PTPRD: variants seen among roughly 807,000 people sequenced by gnomAD.
The protein encoded by PTPRD is protein tyrosine phosphatase receptor type D.
Under a neutral mutation model 214.5 loss-of-function variants are expected in PTPRD, and 34 were observed. The ratio of observed to expected loss-of-function variants is 0.16; its 90% CI spans 0.12 to 0.21. PTPRD has a LOEUF of 0.21. Among genes scored for constraint, PTPRD ranks in the 10% least tolerant of loss-of-function variants. PTPRD has a pLI of 1.00. For synonymous variants in PTPRD, 1,128 were observed against 845.7 expected (o/e 1.33, Z -5.79); for missense variants, 2,545 against 2,398.7 (o/e 1.06, Z -1.27).
chr9:8,671,812 G>A (rs868558799), intron 12 of PTPRD, among the ~76,000 whole-genome samples: 52 of 152,228 alleles, frequency 3.4e-4, no homozygotes, highest in African/African-American at 1.2e-3. Flanking sequence ...CCATATGAAA[G>A]AACTGTATCT....
intron 4 of PTPRD, among the ~76,000 whole-genome samples, chr9:9,968,975 G>A (rs975109125): frequency 1.1e-4 from 16 of 152,256 alleles, no homozygotes; most frequent in African/African-American, 3.1e-4. Flanking sequence ...TTCATGAGAT[G>A]TGATCTTGGC....
intron 7 of PTPRD, among the ~76,000 whole-genome samples, chr9:9,659,981 G>A (rs902131717): frequency 6.6e-6 from 1 of 151,982 alleles, no homozygotes; most frequent in Non-Finnish European, 1.5e-5. Context: ...GGCTGTAAAT[G>A]AATTTCCCTT....
intron 2 of PTPRD, among the ~76,000 whole-genome samples, chr9:10,500,156 T>C (rs1275785824): frequency 6.6e-6 from 1 of 151,926 alleles, no homozygotes; most frequent in Non-Finnish European, 1.5e-5. Context: ...GTACTTCTAG[T>C]TACAACTTTC....
intron 5 of PTPRD, among the ~76,000 whole-genome samples, chr9:9,915,533 T>C (rs2080481237): frequency 6.6e-6 from 1 of 151,458 alleles, no homozygotes; most frequent in African/African-American, 2.4e-5. Flanking sequence ...AAGAGATAGA[T>C]ATCATTAAAA....
intron 9 of PTPRD, among the ~76,000 whole-genome samples, chr9:9,299,359 C>T (rs1381910496): frequency 6.6e-6 from 1 of 151,702 alleles, no homozygotes; most frequent in Non-Finnish European, 1.5e-5. Context: ...TCAAGGGCTG[C>T]TACTGGCATC....
intron 10 of PTPRD, among the ~76,000 whole-genome samples, chr9:9,177,350 C>CAATT (rs2099925531): frequency 6.6e-6 from 1 of 152,052 alleles, no homozygotes; most frequent in African/African-American, 2.4e-5. Context: ...ATGGGGATTG[C>CAATT]AATTCCAGAT....
chr9:8,362,309 C>G (rs1173254834), intron 39 of PTPRD, among the ~76,000 whole-genome samples: 2 of 152,114 alleles, frequency 1.3e-5, no homozygotes, highest in African/African-American at 4.8e-5. Context: ...ACCCTACAAA[C>G]CAATAAGTTT....
At chr9:9,036,523 G>C (rs1003791289) in intron 10 of PTPRD, among the ~76,000 whole-genome samples, 3 of 152,058 alleles carry the variant, frequency 2.0e-5, no homozygotes, top group Non-Finnish European at 2.9e-5. Context: ...ATAGAATATG[G>C]ACTTTAGTTA....
chr9:9,334,753 T>C (rs1290408687), intron 9 of PTPRD, among the ~76,000 whole-genome samples: 2 of 151,956 alleles, frequency 1.3e-5, no homozygotes, highest in African/African-American at 2.4e-5. Flanking sequence ...ATTATTATCA[T>C]GATCATCATC....
intron 9 of PTPRD, among the ~76,000 whole-genome samples, chr9:9,368,170 C>T (rs762994910): frequency 2.6e-5 from 4 of 151,726 alleles, no homozygotes; most frequent in Non-Finnish European, 4.4e-5. Context: ...AAACGTTAGA[C>T]CTGCATTTAT....
At chr9:9,818,953 C>T (rs2049758189) in intron 5 of PTPRD, among the ~76,000 whole-genome samples, 1 of 147,170 alleles carries the variant, frequency 6.8e-6, no homozygotes. Context: ...GTATGTATGT[C>T]TTTCAATTAT....
intron 8 of PTPRD, among the ~76,000 whole-genome samples, chr9:9,525,012 C>T (rs1240554528): frequency 2.6e-5 from 4 of 152,174 alleles, no homozygotes; most frequent in African/African-American, 7.2e-5. Context: ...CGCCCGCCAC[C>T]ACGCCCGGCT....
Position 8,591,014 on chromosome 9 carries a change from C to G in PTPRD, c.352+42303G>C, listed in dbSNP as rs112966499. Among the ~76,000 whole-genome samples the G allele has an allele frequency of 9.4e-3, 1,438 of 152,192 alleles. 19 individuals carry two copies. The highest frequency in any genetic ancestry group is 0.032 in the African/African-American group (1,336 of 41,526). On this transcript the variant is annotated intron_variant, in intron 14 of 45. Coordinates refer to ENST00000381196, the MANE Select transcript of PTPRD (RefSeq NM_002839.4). ...CATTTTCCAGTTTCTAGAGGCTGCC[C>G]ACATTCCTTGGCTTGTGATCCTTTT...
intron 8 of PTPRD, among the ~76,000 whole-genome samples, chr9:9,572,370 A>G (rs1345398722): frequency 6.6e-6 from 1 of 151,346 alleles, no homozygotes; most frequent in Non-Finnish European, 1.5e-5. Flanking sequence ...CGAAGAATAT[A>G]TTTGAATCAG....
At chr9:10,482,227 C>T (rs545071428) in intron 2 of PTPRD, among the ~76,000 whole-genome samples, 25 of 151,756 alleles carry the variant, frequency 1.6e-4, no homozygotes, top group East Asian at 3.9e-4. Context: ...AAAAATTAGC[C>T]GGGCGTGGTG....
chr9:9,152,866 C>A (rs574893356), intron 10 of PTPRD, among the ~76,000 whole-genome samples: 1 of 152,280 alleles, frequency 6.6e-6, no homozygotes, highest in Non-Finnish European at 1.5e-5. Context: ...CTTCGTGAAC[C>A]AGAACCGATG....
At chr9:9,700,442 T>C (rs1200067965) in intron 7 of PTPRD, among the ~76,000 whole-genome samples, 2 of 152,098 alleles carry the variant, frequency 1.3e-5, no homozygotes, top group Non-Finnish European at 2.9e-5. Context: ...ATTTCTAGAG[T>C]TGAGATGTGT....
intron 14 of PTPRD, among the ~76,000 whole-genome samples, chr9:8,563,489 G>A (rs893622779): frequency 4.1e-5 from 6 of 146,926 alleles, no homozygotes; most frequent in African/African-American, 5.1e-5. Flanking sequence ...CCAGGCTGGA[G>A]TGCAGTGGCG....
chr9:10,127,900 G>T (rs571757792), intron 3 of PTPRD, among the ~76,000 whole-genome samples: 1 of 152,256 alleles, frequency 6.6e-6, no homozygotes, highest in Non-Finnish European at 1.5e-5. Flanking sequence ...AGAGATCAGT[G>T]GGGTATATAG....
Sources: gnomAD v4.1 joint callset for allele counts (sites outside exome capture counted in the v4.1 genomes callset) on GRCh38, gnomAD v4.1.1 for gene constraint, MANE v1.5 for transcripts, NCBI Gene and HGNC (gene_info 2026-07-23, HGNC 2026-07-21) for gene names.